CD163: variants seen among roughly 807,000 people sequenced by gnomAD.
The protein encoded by CD163 is CD163 molecule.
In CD163, 64 loss-of-function variants were observed where a neutral mutation model predicts 129.2. The ratio of observed to expected loss-of-function variants is 0.50; its 90% CI spans 0.41 to 0.61. CD163 has a LOEUF of 0.61. Among genes scored for constraint, CD163 ranks in the 20% least tolerant of loss-of-function variants. CD163 has a pLI of 0.00. For missense variants in CD163, 1,061 were observed against 1,377.9 expected (o/e 0.77, Z 3.64); for synonymous variants, 446 against 478.5 (o/e 0.93, Z 0.89).
At chr12:7,481,033 A>G in intron 15 of CD163, 128 bp downstream of exon 15, 1 of 1,419,944 alleles carries the variant, frequency 7.0e-7, no homozygotes, top group Non-Finnish European at 9.2e-7. Context: ...CTTGTCCATT[A>G]TATGCATCTA....
In CD163 at chr12:7,485,145, C is replaced by T; in HGVS notation, c.2730G>A (p.Trp910Ter). 6.2e-7 allele frequency: 1 copy of T among 1,613,878 alleles called. No homozygotes were observed. Among genetic ancestry groups the T allele is most frequent in the Non-Finnish European group, 8.5e-7 (1 of 1,179,824 alleles). ...CCGAGGGGCTGGCCAGTCTCTTCTC[C>T]CATGGAGATGATGGGCACTGCCACA... ...DTLWQCPSSP[W>*]EKRLASPSEE... The change falls in exon 11 of 17, where the codon TGG (tryptophan) becomes TGA (stop). Residue 910 changes from tryptophan (W) to a stop codon, truncating the protein, a stop_gained. Transcript: ENST00000432237. LOFTEE classifies it high-confidence loss of function. This position sits in a 1 kb window ranked among gnomAD's most constrained non-coding sequence, Gnocchi z 4.5.
At chr12:7,497,184 A>C in intron 4 of CD163, 51 bp from the exon 5 acceptor site, 1 of 1,459,908 alleles carries the variant, frequency 6.8e-7, no homozygotes, top group Non-Finnish European at 9.5e-7. Context: ...AGAACATGAG[A>C]CTATAAATAG....
Position 7,495,385 on chromosome 12 carries a change from C to T in CD163, c.1116G>A (p.Glu372=). ...GVTCSDGSDL[E]LRLRGGGSRC... is the part of the protein sequence containing the mutation. ...GGCTGCCTCCACCTCTAAGTCTTAG[C>T]TCCAGATCTGATCCATCTGCAAAAG... Residue 372 remains glutamate (E), a synonymous_variant, in exon 6 of 17, where the codon GAG becomes GAA. Transcript: ENST00000432237. 6.2e-7 allele frequency: 1 copy of T among 1,613,810 alleles called. No individual in the cohort carries two copies. The highest frequency in any genetic ancestry group is 8.5e-7 in the Non-Finnish European group (1 of 1,179,726).
At chr12:7,473,822 A>T in intron 16 of CD163, among the ~76,000 whole-genome samples, 1 of 152,176 alleles carries the variant, frequency 6.6e-6, no homozygotes, top group Admixed American at 6.6e-5. Flanking sequence ...TGCTGTATTC[A>T]GGAGACCCAC....
chr12:7,485,602 T>C lies in CD163; in HGVS notation c.2459-186A>G, dbSNP rs1949236890. 6.6e-6 allele frequency among the ~76,000 whole-genome samples: 1 copy of C among 152,166 alleles called. No individual in the cohort carries two copies. The highest frequency in any genetic ancestry group is 2.4e-5 in the African/African-American group (1 of 41,460). ...TTATTAAAATATTTTATTTATTCTA[T>C]AAATACATTATAGTTTTTTGGTCTT... On this transcript the variant is annotated intron_variant, in intron 10 of 16. Coordinates refer to ENST00000432237, the MANE Select transcript of CD163 (RefSeq NM_203416.4). The surrounding 1 kb of genome is among the most constrained non-coding windows in gnomAD (Gnocchi z 4.5).
intron 2 of CD163, 76 bp from the exon 3 acceptor site, chr12:7,501,538 A>T (rs1949490005): frequency 3.6e-6 from 4 of 1,099,464 alleles, no homozygotes; most frequent in African/African-American, 3.1e-5. Context: ...TACATTACTT[A>T]TTTATCCTTC....
intron 4 of CD163, among the ~76,000 whole-genome samples, chr12:7,497,539 T>G (rs1459736523): frequency 6.6e-6 from 1 of 152,226 alleles, no homozygotes; most frequent in Non-Finnish European, 1.5e-5. Context: ...GACTGCATTC[T>G]CCATTGATAC....
At chr12:7,475,582 C>A (rs12302737) in intron 16 of CD163, among the ~76,000 whole-genome samples, 1 of 152,082 alleles carries the variant, frequency 6.6e-6, no homozygotes, top group Non-Finnish European at 1.5e-5. Flanking sequence ...ATTGATGAAA[C>A]GTATCTCAAA....
rs189496231 is a variant in CD163, at chr12:7,501,304, T to C, written c.292A>G (p.Ile98Val). The C allele has an allele frequency of 3.7e-6, 6 of 1,614,184 alleles. No individual in the cohort carries two copies. The Admixed American group carries it at 1.0e-4, about 27-fold the overall frequency. ...ICNQLGCPTA[I>V]KAPGWANSSA... ...GAATTAGCCCATCCAGGGGCTTTGA[T>C]AGCAGTTGGACATCCCAGCTGGTTA... Residue 98 changes from isoleucine to valine, a missense_variant, in exon 3 of 17, where the codon ATC becomes GTC. Transcript: ENST00000432237.
rs1424530587 is a variant in CD163, at chr12:7,483,443, G to A, written c.3012C>T (p.Ser1004=). The change falls in exon 12 of 17, where the codon TCC becomes TCT. Residue 1004 remains serine, a synonymous_variant. Transcript: ENST00000432237. ...AGCGTCTGGCAGGACAATCCCACAAGGAAGACTCATTCCCTTTGCACTTCA... is the reference window on the plus strand; with the variant it reads ...AGCGTCTGGCAGGACAATCCCACAAAGAAGACTCATTCCCTTTGCACTTCA... The part of the protein sequence containing the change: ...NEVKCKGNES[S]LWDCPARRWG... 1 of 1,613,924 alleles carries A rather than the reference G, an allele frequency of 6.2e-7. No homozygotes were observed. The highest frequency in any genetic ancestry group is 2.2e-5 in the East Asian group (1 of 44,866).
At chr12:7,491,009 T>C (rs912920584) in intron 6 of CD163, among the ~76,000 whole-genome samples, 2 of 152,010 alleles carry the variant, frequency 1.3e-5, no homozygotes, top group South Asian at 2.1e-4. Context: ...CAACCTCTTT[T>C]GGACAGCCCT....
rs777156551 is a variant in CD163 at position 7,479,932 on chromosome 12, A to G, written c.3344-19T>C. The G allele has an allele frequency of 3.1e-6, 5 of 1,612,766 alleles. No individual in the cohort carries two copies. Among genetic ancestry groups the G allele is most frequent in the African/African-American group, 1.3e-5 (1 of 74,870 alleles). ...TGGCCTCCTTTTCCATTCCAGAAATAGGAAGAAATTTAGACACAGAAATTA... is the reference window on the plus strand; with the variant it reads ...TGGCCTCCTTTTCCATTCCAGAAATGGGAAGAAATTTAGACACAGAAATTA... On this transcript the variant is annotated intron_variant, in intron 15 of 16. Coordinates refer to ENST00000432237, the MANE Select transcript of CD163 (RefSeq NM_203416.4).
In CD163 at chr12:7,471,582, A is replaced by G. The variant is rs759414841; in HGVS notation, c.*32-185T>C. ...AATTACTTTTATTCCATGGAAATAC[A>G]GTAAGATTAAGAAATGCCATTTATA... is the stretch of plus-strand genomic sequence containing the variant. On this transcript the variant is annotated intron_variant, in intron 16 of 16. Transcript: ENST00000432237. Among the ~76,000 whole-genome samples, 3 of 152,118 alleles carry G rather than the reference A, an allele frequency of 2.0e-5. 1 individual carries two copies. The highest frequency in any genetic ancestry group is 4.4e-5 in the Non-Finnish European group (3 of 68,024).
At position 7,484,498 on chromosome 12, in the gene CD163, G is replaced by A. The variant is rs568379979; in HGVS notation, c.2779+598C>T. On this transcript the variant is annotated intron_variant, in intron 11 of 16. Transcript: ENST00000432237. Reference sequence around the variant, plus strand: ...CAACTAAAAATACAAAATTAGCTGGGCATGGTGGCTCATGCCTGTAATCCC... The same window carrying A: ...CAACTAAAAATACAAAATTAGCTGGACATGGTGGCTCATGCCTGTAATCCC... Among the ~76,000 whole-genome samples the A allele has an allele frequency of 1.2e-4, 19 of 152,206 alleles. No homozygotes were observed. In the East Asian group the frequency reaches 3.3e-3, roughly 26 times the overall value.
chr12:7,502,617 G>A (rs1356582807), intron 1 of CD163, 53 bp from the exon 2 acceptor site: 1 of 911,242 alleles, frequency 1.1e-6, no homozygotes, highest in Non-Finnish European at 1.8e-6. Flanking sequence ...AGAGACTTTG[G>A]AGAAGATAGA....
chr12:7,491,872 C>T (rs964486804), intron 6 of CD163, among the ~76,000 whole-genome samples: 1 of 152,008 alleles, frequency 6.6e-6, no homozygotes, highest in African/African-American at 2.4e-5. Context: ...AATTTTGTGG[C>T]CAAAATTTCC....
At position 7,482,646 on chromosome 12, in the gene CD163, C is replaced by A. The variant is rs756972102; in HGVS notation, c.3244G>T (p.Ala1082Ser). 1 of 1,613,898 alleles carries A rather than the reference C, an allele frequency of 6.2e-7. No individual in the cohort carries two copies. The highest frequency in any genetic ancestry group is 1.3e-5 in the African/African-American group (1 of 74,910). Residue 1082 changes from alanine (A) to serine (S), a missense_variant, in exon 14 of 17, where the codon GCA becomes TCA. Physicochemically the swap from Ala to Ser is moderately conservative, Grantham distance 99 (BLOSUM62 1). Transcript: ENST00000432237. Reference protein sequence around the residue: ...TKKRRQRQRLAVSSRGENLVH... With the variant: ...TKKRRQRQRLSVSSRGENLVH... ...ATAAACCAAATTTGGCTCAAACCTG[C>A]AAGCCGCTGTCTCTGTCTTCGCTTT... is the stretch of plus-strand genomic sequence containing the variant.
chr12:7,502,534 G>C lies in CD163; in HGVS notation c.77C>G (p.Pro26Arg). The change falls in exon 2 of 17, where the codon CCC (proline) becomes CGC (arginine). Residue 26 changes from proline (P) to arginine (R), a missense_variant. Coordinates refer to ENST00000432237, the MANE Select transcript of CD163 (RefSeq NM_203416.4). Reference sequence around the variant, plus strand: ...AAGTAAGACCACAGTAATGGTGAAGGGACTCAAGTTGACAAAATGTCTTCT... The same window carrying C: ...AAGTAAGACCACAGTAATGGTGAAGCGACTCAAGTTGACAAAATGTCTTCT... Reference protein sequence around the residue: ...DFRRHFVNLSPFTITVVLLLS... With the variant: ...DFRRHFVNLSRFTITVVLLLS... 1 of 1,596,688 alleles carries C rather than the reference G, an allele frequency of 6.3e-7. No individual in the cohort carries two copies. Among genetic ancestry groups the C allele is most frequent in the Non-Finnish European group, 8.6e-7 (1 of 1,167,362 alleles).
chr12:7,482,694 C>T lies in CD163; in HGVS notation c.3196G>A (p.Val1066Ile), dbSNP rs139478533. ...ILGVVLLAIF[V>I]ALFFLTKKRR... is the part of the protein sequence containing the mutation. ...TTTTTAGTCAAGAAGAATAATGCGA[C>T]GAAAATGGCCAACAGAACAACCCCA... Residue 1066 changes from valine to isoleucine, a missense_variant, in exon 14 of 17, where the codon GTC (valine) becomes ATC (isoleucine). Coordinates refer to ENST00000432237, the MANE Select transcript of CD163 (RefSeq NM_203416.4). The T allele has an allele frequency of 6.9e-4, 1,106 of 1,614,022 alleles. 10 individuals carry two copies. In the African/African-American group the frequency reaches 0.013, roughly 19 times the overall value.
Sources: gnomAD v4.1 joint callset for allele counts (sites outside exome capture counted in the v4.1 genomes callset) on GRCh38, gnomAD v4.1.1 for gene constraint, Gnocchi (gnomAD v3.1) non-coding constraint, MANE v1.5 for transcripts, NCBI Gene and HGNC (gene_info 2026-07-23, HGNC 2026-07-21) for gene names.